The following BEST3 variants were observed in gnomAD, a reference collection of about 807,000 sequenced individuals.
BEST3 encodes the protein bestrophin-3.
In BEST3, 50 loss-of-function variants were observed where a neutral mutation model predicts 47.1. The observed-to-expected ratio is 1.06, with a 90% confidence interval of 0.85 to 1.34. The LOEUF (loss-of-function observed/expected upper bound fraction) is 1.34. BEST3 is among the 40% of genes most tolerant of loss of function. BEST3 has a pLI of 0.00. For synonymous variants in BEST3, 282 were observed against 298.8 expected, an observed-to-expected ratio of 0.94 and a Z score of 0.58; for missense variants, 765 against 817.0, an observed-to-expected ratio of 0.94 and a Z score of 0.78.
At chr12:69,670,611 A>G (rs929872192) in intron 9 of BEST3, 34 of 699,678 alleles carry the variant, frequency 4.9e-5, no homozygotes, top group Non-Finnish European at 7.8e-5. Flanking sequence ...AGGCCACTTC[A>G]GGGAGGAGGG....
intron 9 of BEST3, among the ~76,000 whole-genome samples, chr12:69,647,685 T>C (rs1374118744): frequency 3.3e-5 from 5 of 152,112 alleles, no homozygotes; most frequent in Non-Finnish European, 7.4e-5. Flanking sequence ...GCGAATATCA[T>C]GGGAGAGGGA....
rs1886023765 is a variant in BEST3, at chr12:69,693,781, C to T, written c.374G>A (p.Arg125Lys). The T allele has an allele frequency of 6.2e-7, 1 of 1,614,178 alleles. No homozygotes were observed. The highest frequency in any genetic ancestry group is 8.5e-7 in the Non-Finnish European group (1 of 1,180,034). Residue 125 changes from arginine to lysine, a missense_variant, in exon 4 of 10, where the codon AGA becomes AAA. Physicochemically the swap from Arg to Lys is conservative, Grantham distance 26. Transcript: ENST00000330891. ...HGSDEHGRLL[R>K]RTLMRYVNLT... ...ATTGACGTAGCGCATCAGCGTCCTT[C>T]TAAGCAGGCGCCCGTGCTCGTCGCT... is the stretch of plus-strand genomic sequence containing the variant.
chr12:69,672,990 T>A (rs754898834), intron 7 of BEST3, 25 bp from the exon 8 acceptor site: 4 of 1,549,660 alleles, frequency 2.6e-6, no homozygotes, highest in Middle Eastern at 1.7e-4. Context: ...ATAAAATAAA[T>A]CCATCATGAT....
At chr12:69,676,430 A>AG (rs927227036) in intron 7 of BEST3, among the ~76,000 whole-genome samples, 1 of 151,924 alleles carries the variant, frequency 6.6e-6, no homozygotes, top group Non-Finnish European at 1.5e-5. Flanking sequence ...AAAAAAAAAA[A>AG]AAAGAAAATG....
rs907390704 is a variant in BEST3, at chr12:69,675,204, C to T, written c.867+1712G>A. Among the ~76,000 whole-genome samples the T allele has an allele frequency of 9.8e-5, 15 of 152,304 alleles. 1 individual carries two copies. The highest frequency in any genetic ancestry group is 4.1e-4 in the South Asian group (2 of 4,822). On this transcript the variant is annotated intron_variant, in intron 7 of 9. Transcript: ENST00000330891. ...GTGTGAACATGGCTCACTGCACCCT[C>T]GGCCTCCTGGGCTCAAGTGACCCTT...
intron 9 of BEST3, among the ~76,000 whole-genome samples, chr12:69,662,515 T>C (rs1440210831): frequency 6.6e-6 from 1 of 152,192 alleles, no homozygotes; most frequent in Non-Finnish European, 1.5e-5. Flanking sequence ...CCTAAATATT[T>C]TGTGCACATT....
downstream of BEST3, among the ~76,000 whole-genome samples, chr12:69,652,246 G>A (rs1450526849): frequency 6.6e-6 from 1 of 152,170 alleles, no homozygotes; most frequent in Non-Finnish European, 1.5e-5. Flanking sequence ...TGAGAGAGTT[G>A]AGCCTGTTCT....
chr12:69,695,225 A>C (rs1157623370), intron 2 of BEST3, among the ~76,000 whole-genome samples: 1 of 152,224 alleles, frequency 6.6e-6, no homozygotes, highest in Non-Finnish European at 1.5e-5. Flanking sequence ...ACCAAAATAC[A>C]GGAAGGAAAG....
In BEST3 at chr12:69,693,527, A is replaced by C. The variant is rs533012320; in HGVS notation, c.481+147T>G. On this transcript the variant is annotated intron_variant, in intron 4 of 9. Transcript: ENST00000330891. ...TGATCCGCCCGCCTCCACCTTCCAA[A>C]GTGCTGGGATTACAGGCATGAGCCA... The C allele has an allele frequency of 1.2e-5, 8 of 682,074 alleles. No individual in the cohort carries two copies. In the African/African-American group the frequency reaches 1.4e-4, roughly 12 times the overall value. The allele number at this position is 682,074 out of a possible 1,614,324, so 42.3% of individuals were successfully genotyped here. A position where few individuals can be genotyped will look rare whatever the true frequency, so the allele number is the denominator to read the frequency against.
intron 9 of BEST3, chr12:69,661,184 C>T (rs769007882): frequency 3.9e-5 from 6 of 152,230 alleles, no homozygotes; most frequent in Non-Finnish European, 7.4e-5. Flanking sequence ...CCAAAGAAAG[C>T]TTTTTGCAAA....
chr12:69,688,081 C>T (rs1885736364), intron 4 of BEST3, among the ~76,000 whole-genome samples: 1 of 152,132 alleles, frequency 6.6e-6, no homozygotes, highest in South Asian at 2.1e-4. Context: ...TATCATTGTG[C>T]TTCTGGTAAG....
At chr12:69,697,881 C>T in intron 1 of BEST3, 68 bp from the exon 2 acceptor site, 1 of 1,283,536 alleles carries the variant, frequency 7.8e-7, no homozygotes, top group Non-Finnish European at 1.1e-6. Flanking sequence ...ATCTGTATGT[C>T]TGTATATCAA....
At chr12:69,684,202 C>T (rs1161005384) in intron 4 of BEST3, 3 of 197,958 alleles carry the variant, frequency 1.5e-5, no homozygotes, top group Admixed American at 1.2e-4. Context: ...CTCTTGCTAT[C>T]GCTTTTTCTT....
intron 4 of BEST3, chr12:69,683,450 G>A (rs1397924019): frequency 6.6e-6 from 1 of 152,196 alleles, no homozygotes; most frequent in African/African-American, 2.4e-5. Context: ...AGTCAAGTTG[G>A]GAACTGCTTA....
intron 8 of BEST3, among the ~76,000 whole-genome samples, chr12:69,671,948 GA>G (rs1343163590): frequency 1.3e-5 from 2 of 152,296 alleles, no homozygotes; most frequent in Admixed American, 6.5e-5. Context: ...AATATTACAG[GA>G]AGGTGAAGAT....
intron 3 of BEST3, 113 bp downstream of exon 3, chr12:69,694,257 C>T (rs140274627): frequency 3.1e-6 from 2 of 653,568 alleles, no homozygotes; most frequent in African/African-American, 1.8e-5. Context: ...CTATTGCAAG[C>T]GGTGGCTTTT....
chr12:69,680,262 G>T (rs1187475290), intron 4 of BEST3, among the ~76,000 whole-genome samples: 3 of 150,080 alleles, frequency 2.0e-5, no homozygotes, highest in Middle Eastern at 3.5e-3. Context: ...ATATACCAGG[G>T]TTTGTTTGCA....
chr12:69,655,877 T>A (rs1883459672), intron 9 of BEST3, 64 bp from the exon 10 acceptor site: 1 of 1,513,862 alleles, frequency 6.6e-7, no homozygotes, highest in Admixed American at 2.2e-5. Flanking sequence ...GGGGGCAGAG[T>A]CTCAAAGTTA....
At position 69,677,068 on chromosome 12, in the gene BEST3, C is replaced by A. The variant is rs1295608704; in HGVS notation, c.715G>T (p.Val239Phe). The A allele has an allele frequency of 1.9e-6, 3 of 1,613,992 alleles. No individual in the cohort carries two copies. The highest frequency in any genetic ancestry group is 1.6e-4 in the Middle Eastern group (1 of 6,084). ...WVGIPLVYTQ[V>F]VTLAVYTFFF... Reference sequence around the variant, plus strand: ...AAGGTATAGACAGCAAGAGTGACAACCTGGAACAGAGAGAGACCAGAGTGA... The same window carrying A: ...AAGGTATAGACAGCAAGAGTGACAAACTGGAACAGAGAGAGACCAGAGTGA... The change falls in exon 7 of 10, where the codon GTT (valine) becomes TTT (phenylalanine). Residue 239 changes from valine (V) to phenylalanine (F), a missense_variant and splice_region_variant. By Grantham distance (50) the Val-to-Phe change is conservative. Transcript: ENST00000330891.
Sources: gnomAD v4.1 joint callset for allele counts (sites outside exome capture counted in the v4.1 genomes callset) on GRCh38, gnomAD v4.1.1 for gene constraint, MANE v1.5 for transcripts, NCBI Gene and HGNC (gene_info 2026-07-23, HGNC 2026-07-21) for gene names.